Variants in ZNF600 observed in about 807,000 individuals in gnomAD.
ZNF600 encodes zinc finger protein KR-ZNF1.
Under a neutral mutation model 7.3 loss-of-function variants are expected in ZNF600, and 4 were observed. The observed-to-expected ratio is 0.55, with a 90% CI of 0.27 to 1.25. The LOEUF is 1.25. Ranked by LOEUF, ZNF600 falls within the 50% of genes most tolerant of loss-of-function variation. ZNF600 has a pLI of 0.12. For missense variants in ZNF600, 911 were observed against 922.1 expected, an observed-to-expected ratio of 0.99 and a Z score of 0.16; for synonymous variants, 290 against 308.9, an observed-to-expected ratio of 0.94 and a Z score of 0.64.
At chr19:52,803,773 A>G in the ZNF600 span, among the ~76,000 whole-genome samples, 2 of 152,066 alleles carry the variant, frequency 1.3e-5, no homozygotes, top group Admixed American at 6.6e-5. Context: ...CCTGGGCAAC[A>G]TGGTGAAACC....
At chr19:52,812,388 G>C in the ZNF600 span, among the ~76,000 whole-genome samples, 1 of 138,416 alleles carries the variant, frequency 7.2e-6, no homozygotes, top group Non-Finnish European at 1.5e-5. Flanking sequence ...GATAGAAGTA[G>C]ACATGGGAGA....
At chr19:52,783,447 C>T (rs1170785214) in intron 1 of ZNF600, among the ~76,000 whole-genome samples, 2 of 152,208 alleles carry the variant, frequency 1.3e-5, no homozygotes, top group African/African-American at 2.4e-5. Context: ...CTGCAAGCTC[C>T]GCCTCCCGGG....
the ZNF600 span, chr19:52,801,258 G>A: frequency 6.2e-6 from 10 of 1,614,120 alleles, 1 homozygote; most frequent in South Asian, 8.8e-5. Context: ...AGAATGGAGG[G>A]AATTATTTCC....
chr19:52,790,158 A>T (rs1035337215), upstream of ZNF600, among the ~76,000 whole-genome samples: 23 of 152,326 alleles, frequency 1.5e-4, no homozygotes, highest in African/African-American at 5.3e-4. Context: ...ACTTCAGGCC[A>T]TCTGGGCGTA....
At chr19:52,829,761 C>G in the ZNF600 span, among the ~76,000 whole-genome samples, 1 of 152,092 alleles carries the variant, frequency 6.6e-6, no homozygotes, top group East Asian at 1.9e-4. Flanking sequence ...ATCTACCCCC[C>G]TCAGCCTCCC....
chr19:52,810,051 C>T, the ZNF600 span: 1 of 741,164 alleles, frequency 1.3e-6, no homozygotes, highest in Non-Finnish European at 2.4e-6. Flanking sequence ...GCCCCGCGCC[C>T]CATGCCTGGG....
chr19:52,818,505 G>C, the ZNF600 span, among the ~76,000 whole-genome samples: 1 of 151,918 alleles, frequency 6.6e-6, no homozygotes. Flanking sequence ...TTGAGGTCAG[G>C]AGTTCAAGAG....
chr19:52,781,063 G>A lies in ZNF600; in HGVS notation c.-19-2156C>T, dbSNP rs1285283096. On this transcript the variant is annotated intron_variant, in intron 1 of 3. Coordinates refer to ENST00000648973, the Ensembl canonical transcript of ZNF600. ...AGAGCTCAGGGGCGAGGCCTGCAGG[G>A]GACATGGAGTCATGTAGGTGGGTTA... 3 of 152,214 alleles carry A rather than the reference G, an allele frequency of 2.0e-5. No individual in the cohort carries two copies. The highest frequency in any genetic ancestry group is 2.9e-5 in the Non-Finnish European group (2 of 68,042). 9.4% of individuals were successfully genotyped at this position (152,214 alleles called of 1,614,324 possible).
chr19:52,823,579 T>C, the ZNF600 span, among the ~76,000 whole-genome samples: 1 of 152,190 alleles, frequency 6.6e-6, no homozygotes, highest in Non-Finnish European at 1.5e-5. Flanking sequence ...CACGTTCCTC[T>C]CAAAGCTCAG....
At chr19:52,775,010 C>T (rs537548880) in intron 2 of ZNF600, among the ~76,000 whole-genome samples, 124 of 152,228 alleles carry the variant, frequency 8.1e-4, no homozygotes, top group Middle Eastern at 3.4e-3. Context: ...GAGGCCAAGG[C>T]GGGCAGATTA....
the ZNF600 span, chr19:52,818,133 T>C: frequency 2.5e-6 from 3 of 1,214,584 alleles, no homozygotes; most frequent in Non-Finnish European, 3.4e-6. Context: ...GGAAATATGG[T>C]CCCCTATGCT....
chr19:52,802,761 C>CTTT, the ZNF600 span, among the ~76,000 whole-genome samples: 1 of 127,580 alleles, frequency 7.8e-6, no homozygotes, highest in Non-Finnish European at 1.7e-5. Flanking sequence ...CACGTTGTGA[C>CTTT]TTTTTTTTTT....
the ZNF600 span, among the ~76,000 whole-genome samples, chr19:52,821,011 G>C: frequency 6.6e-6 from 1 of 152,120 alleles, no homozygotes; most frequent in African/African-American, 2.4e-5. Context: ...AGCTGGGCGG[G>C]CAAGAACACC....
At chr19:52,797,250 T>C in the ZNF600 span, among the ~76,000 whole-genome samples, 3 of 152,180 alleles carry the variant, frequency 2.0e-5, no homozygotes, top group South Asian at 2.1e-4. Flanking sequence ...AGACAATCCA[T>C]GAAACGACCA....
downstream of ZNF600, chr19:52,764,468 T>C (rs2147471952): frequency 2.0e-5 from 3 of 148,090 alleles, no homozygotes; most frequent in Middle Eastern, 7.1e-3. Flanking sequence ...CACATCAGTC[T>C]ACCAAAGTGT....
At chr19:52,767,370 G>C (rs79890896) in exon 4 of ZNF600, 34,746 of 1,613,952 alleles carry the variant, frequency 0.022, 1,527 homozygotes, top group African/African-American at 0.18. Context: ...TTGGGGCCTA[G>C]GAGAAATTCT....
intron 2 of ZNF600, among the ~76,000 whole-genome samples, chr19:52,778,022 CTTT>C (rs201092030): frequency 0.066 from 10,090 of 151,936 alleles, 439 homozygotes; most frequent in South Asian, 0.18. Flanking sequence ...CTCTCTCTCT[CTTT>C]TCTTTTGAGA....
At chr19:52,772,717 C>A (rs572973720) in intron 3 of ZNF600, among the ~76,000 whole-genome samples, 4 of 152,110 alleles carry the variant, frequency 2.6e-5, no homozygotes, top group African/African-American at 9.7e-5. Flanking sequence ...TTTGCACGTA[C>A]GGTAAGTGAG....
the ZNF600 span, chr19:52,800,300 T>A: frequency 1.2e-6 from 2 of 1,607,184 alleles, no homozygotes; most frequent in East Asian, 4.5e-5. Flanking sequence ...CAGTATGAAC[T>A]CTCTGATGTT....
Sources: allele counts gnomAD v4.1 joint callset (sites outside exome capture counted in the v4.1 genomes callset), GRCh38; gene constraint gnomAD v4.1.1; transcripts MANE v1.5; gene names NCBI Gene and HGNC (gene_info 2026-07-23, HGNC 2026-07-21).